Variants in CTNNA3 observed in about 807,000 individuals in gnomAD.
The protein encoded by CTNNA3 is catenin alpha-3.
Under a neutral mutation model 95.7 loss-of-function variants are expected in CTNNA3, and 76 were observed. The observed-to-expected ratio is 0.79, with a 90% CI of 0.66 to 0.96. The LOEUF is 0.96. CTNNA3 is among the 40% of genes least tolerant of loss of function. CTNNA3 has a pLI of 0.00. For synonymous variants in CTNNA3, 431 were observed against 374.4 expected, an observed-to-expected ratio of 1.15 and a Z score of -1.74; for missense variants, 1,191 against 1,089.8, an observed-to-expected ratio of 1.09 and a Z score of -1.31.
At chr10:66,890,520 T>A (rs988506623) in intron 7 of CTNNA3, among the ~76,000 whole-genome samples, 33 of 152,040 alleles carry the variant, frequency 2.2e-4, no homozygotes, top group African/African-American at 7.5e-4. Flanking sequence ...TGGGGTAAGA[T>A]TAAGGCAAAG....
Position 67,502,405 on chromosome 10 carries a change from A to T in CTNNA3, c.579+19437T>A, listed in dbSNP as rs1839261919. Among the ~76,000 whole-genome samples, 3 of 152,126 alleles carry T rather than the reference A, an allele frequency of 2.0e-5. No homozygotes were observed. The South Asian group carries it at 6.2e-4, about 32-fold the overall frequency. On this transcript the variant is annotated intron_variant, in intron 5 of 17. Transcript: ENST00000433211. ...AGCTCTTCTGTATGAGGTGTCTGTCAACTCCTGCTGGGAAGTGTCTCCCAG... is the reference window on the plus strand; with the variant it reads ...AGCTCTTCTGTATGAGGTGTCTGTCTACTCCTGCTGGGAAGTGTCTCCCAG...
At chr10:66,788,593 G>A (rs1840841212) in intron 7 of CTNNA3, among the ~76,000 whole-genome samples, 2 of 152,158 alleles carry the variant, frequency 1.3e-5, no homozygotes, top group African/African-American at 2.4e-5. Flanking sequence ...TTCAATGTCT[G>A]TTGTTAGAAA....
intron 17 of CTNNA3, among the ~76,000 whole-genome samples, chr10:65,931,324 T>A (rs1427235423): frequency 1.3e-5 from 2 of 152,338 alleles, no homozygotes; most frequent in South Asian, 4.1e-4. Flanking sequence ...GGCACTGCCA[T>A]AGCGCCTTGC....
intron 5 of CTNNA3, among the ~76,000 whole-genome samples, chr10:67,241,044 G>A (rs1564505770): frequency 6.6e-6 from 1 of 152,192 alleles, no homozygotes; most frequent in Non-Finnish European, 1.5e-5. Context: ...GGCTATTTTA[G>A]CAAAATTCAG....
chr10:67,064,073 A>G (rs1482334099), intron 7 of CTNNA3, among the ~76,000 whole-genome samples: 1 of 152,150 alleles, frequency 6.6e-6, no homozygotes, highest in Non-Finnish European at 1.5e-5. Flanking sequence ...CTTTTCACTT[A>G]ATAGTGCACT....
intron 7 of CTNNA3, among the ~76,000 whole-genome samples, chr10:66,954,583 C>T (rs1246609564): frequency 1.3e-5 from 2 of 152,096 alleles, no homozygotes; most frequent in Non-Finnish European, 2.9e-5. Flanking sequence ...ATAAACTTAG[C>T]TTCAGTTAAA....
At chr10:67,418,216 GA>G (rs1340967167) in intron 5 of CTNNA3, among the ~76,000 whole-genome samples, 6 of 152,076 alleles carry the variant, frequency 3.9e-5, no homozygotes, top group Admixed American at 3.9e-4. Context: ...ATATCATATG[GA>G]AAAGTTTCAA....
At chr10:66,533,028 G>A (rs1841525832) in intron 10 of CTNNA3, among the ~76,000 whole-genome samples, 3 of 152,174 alleles carry the variant, frequency 2.0e-5, no homozygotes, top group African/African-American at 7.2e-5. Context: ...GGTAGCTTTA[G>A]TTCTGTTCCT....
intron 5 of CTNNA3, among the ~76,000 whole-genome samples, chr10:67,376,702 T>A (rs561324556): frequency 8.1e-4 from 124 of 152,328 alleles, no homozygotes; most frequent in Non-Finnish European, 1.2e-3. Flanking sequence ...CAAGTATCCC[T>A]CTTTCATAGC....
intron 15 of CTNNA3, among the ~76,000 whole-genome samples, chr10:66,006,301 C>A (rs1252081875): frequency 2.0e-5 from 3 of 152,114 alleles, no homozygotes; most frequent in African/African-American, 7.2e-5. Flanking sequence ...GTGTGAGCCA[C>A]TGCACCATGC....
intron 11 of CTNNA3, among the ~76,000 whole-genome samples, chr10:66,441,774 G>A (rs2093376918): frequency 6.6e-6 from 1 of 152,090 alleles, no homozygotes; most frequent in Admixed American, 6.5e-5. Flanking sequence ...ATAACATTTG[G>A]GTGGATGGCA....
chr10:66,050,345 A>G (rs116559479), intron 15 of CTNNA3, among the ~76,000 whole-genome samples: 3,188 of 152,064 alleles, frequency 0.021, 108 homozygotes, highest in African/African-American at 0.073. Flanking sequence ...CAGTAAAAAA[A>G]AAAATAGCAC....
At chr10:67,309,952 G>A (rs929138529) in intron 5 of CTNNA3, among the ~76,000 whole-genome samples, 2 of 152,118 alleles carry the variant, frequency 1.3e-5, no homozygotes, top group African/African-American at 2.4e-5. Flanking sequence ...GATATTAAAG[G>A]AGCAACTAAA....
intron 5 of CTNNA3, among the ~76,000 whole-genome samples, chr10:67,442,306 C>T (rs1157765470): frequency 6.6e-6 from 1 of 151,636 alleles, no homozygotes; most frequent in African/African-American, 2.4e-5. Context: ...AAAGAGAAGA[C>T]CACAGAACAA....
intron 9 of CTNNA3, among the ~76,000 whole-genome samples, chr10:66,655,835 A>G (rs1229097447): frequency 1.3e-5 from 2 of 152,102 alleles, no homozygotes; most frequent in Non-Finnish European, 2.9e-5. Flanking sequence ...CAATTTTAGG[A>G]GCAGTGATAG....
intron 9 of CTNNA3, among the ~76,000 whole-genome samples, chr10:66,636,772 C>T (rs986031603): frequency 6.6e-6 from 1 of 152,018 alleles, no homozygotes; most frequent in African/African-American, 2.4e-5. Context: ...AGGCATGTTC[C>T]AGGCACTGAA....
intron 2 of CTNNA3, among the ~76,000 whole-genome samples, chr10:67,637,222 A>C (rs1839349474): frequency 2.0e-5 from 3 of 152,252 alleles, no homozygotes; most frequent in African/African-American, 7.2e-5. Context: ...CGAATGCACA[A>C]GCTTCGGCAG....
chr10:67,671,808 C>T (rs1025437248), intron 1 of CTNNA3, among the ~76,000 whole-genome samples: 4 of 151,650 alleles, frequency 2.6e-5, no homozygotes, highest in Non-Finnish European at 2.9e-5. Context: ...TTAATAGTGC[C>T]ACAATAAACA....
intron 17 of CTNNA3, among the ~76,000 whole-genome samples, chr10:65,960,390 T>A (rs1245176830): frequency 7.2e-5 from 11 of 151,856 alleles, no homozygotes. Context: ...CCAGGCGCCG[T>A]GGGGGGCACC....
Sources: gnomAD v4.1 joint callset for allele counts (sites outside exome capture counted in the v4.1 genomes callset) on GRCh38, gnomAD v4.1.1 for gene constraint, MANE v1.5 for transcripts, NCBI Gene and HGNC (gene_info 2026-07-23, HGNC 2026-07-21) for gene names.